CLCN3: variants seen among roughly 807,000 people sequenced by gnomAD.
CLCN3 encodes the protein Cl-/H+ antiporter 3, also known as H(+)/Cl(-) exchange transporter 3.
CLCN3 carries 16 observed loss-of-function variants against 83.4 expected under a neutral mutation model. That is an observed-to-expected ratio of 0.19 (90% CI 0.13 to 0.29). The LOEUF (loss-of-function observed/expected upper bound fraction) is 0.29, where lower values mean the gene tolerates loss of function less well. Ranked by LOEUF, CLCN3 falls within the 10% of genes least tolerant of loss-of-function variation. CLCN3 has a pLI of 1.00. For synonymous variants in CLCN3, 322 were observed against 346.2 expected, an observed-to-expected ratio of 0.93 and a Z score of 0.78; for missense variants, 544 against 1,006.0, an observed-to-expected ratio of 0.54 and a Z score of 6.21.
intron 11 of CLCN3, among the ~76,000 whole-genome samples, chr4:169,707,954 T>C (rs1406580043): frequency 6.6e-6 from 1 of 152,220 alleles, no homozygotes; most frequent in Non-Finnish European, 1.5e-5. Context: ...TACCTTATAG[T>C]CCCGCAGTAT....
chr4:169,635,489 A>G (rs1394001609), intron 1 of CLCN3, among the ~76,000 whole-genome samples: 1 of 152,098 alleles, frequency 6.6e-6, no homozygotes, highest in African/African-American at 2.4e-5. Context: ...TAATTGTAGT[A>G]TTTATTTTTA....
At position 169,709,663 on chromosome 4, in the gene CLCN3, G is replaced by A. The variant is rs55933842; in HGVS notation, c.2149+2397G>A. Among the ~76,000 whole-genome samples the A allele has an allele frequency of 4.3e-3, 635 of 148,638 alleles. 6 individuals are homozygous for A. The highest frequency in any genetic ancestry group is 0.036 in the South Asian group (168 of 4,696). The stretch of plus-strand genomic sequence containing the variant: ...CACTGCACTCCAGCCTGGGCGAAGA[G>A]CAAAACCCTGTCTCAAAAAAAAAAA... On this transcript the variant is annotated intron_variant, in intron 11 of 12. Coordinates refer to ENST00000513761, the MANE Select transcript of CLCN3 (RefSeq NM_001829.4).
chr4:169,657,368 G>A (rs940182149), intron 2 of CLCN3, among the ~76,000 whole-genome samples: 1 of 152,038 alleles, frequency 6.6e-6, no homozygotes, highest in African/African-American at 2.4e-5. Context: ...AAGAAAACAG[G>A]TCATTTGTTT....
At chr4:169,665,073 T>C (rs1173788681) in intron 2 of CLCN3, among the ~76,000 whole-genome samples, 19 of 152,240 alleles carry the variant, frequency 1.2e-4, no homozygotes, top group Admixed American at 1.0e-3. Flanking sequence ...TTATGAAATA[T>C]GAAATTTAGC....
At chr4:169,701,676 C>T (rs1732791144) in intron 9 of CLCN3, among the ~76,000 whole-genome samples, 1 of 152,026 alleles carries the variant, frequency 6.6e-6, no homozygotes, top group Non-Finnish European at 1.5e-5. Context: ...GAGACTGAGG[C>T]AAGTTTTAGA....
chr4:169,681,527 A>T (rs191404400), intron 3 of CLCN3, among the ~76,000 whole-genome samples: 1 of 152,324 alleles, frequency 6.6e-6, no homozygotes, highest in Non-Finnish European at 1.5e-5. Flanking sequence ...CCTTTAGGGC[A>T]TATCTAAAAA....
chr4:169,632,907 T>A (rs546961719), intron 1 of CLCN3, among the ~76,000 whole-genome samples: 9 of 152,018 alleles, frequency 5.9e-5, no homozygotes, highest in Non-Finnish European at 1.2e-4. Flanking sequence ...CTGGCTGCAG[T>A]GTCATCAGAT....
intron 2 of CLCN3, among the ~76,000 whole-genome samples, chr4:169,652,558 C>T (rs1730760206): frequency 6.6e-6 from 1 of 152,122 alleles, no homozygotes; most frequent in South Asian, 2.1e-4. Context: ...TCTTGAAGCT[C>T]CTAACAGGTT....
At chr4:169,712,177 A>G (rs762526984) in intron 11 of CLCN3, among the ~76,000 whole-genome samples, 21 of 152,052 alleles carry the variant, frequency 1.4e-4, no homozygotes, top group Non-Finnish European at 2.4e-4. Context: ...TATTTTCACT[A>G]TAACAAATAT....
Position 169,689,033 on chromosome 4 carries a change from G to A in CLCN3, c.419-10G>A. On this transcript the variant is annotated splice_polypyrimidine_tract_variant and intron_variant, in intron 4 of 12. Coordinates refer to ENST00000513761, the MANE Select transcript of CLCN3 (RefSeq NM_001829.4). ...TTAATTTTTTTACCATCTCCAACAT[G>A]TTTTTATAGGGGCACTGGCCGGATT... 1 of 1,601,846 alleles carries A rather than the reference G, an allele frequency of 6.2e-7. No individual in the cohort carries two copies. The highest frequency in any genetic ancestry group is 8.5e-7 in the Non-Finnish European group (1 of 1,176,468).
At chr4:169,715,273 G>A (rs1026094291) in intron 12 of CLCN3, among the ~76,000 whole-genome samples, 1 of 152,084 alleles carries the variant, frequency 6.6e-6, no homozygotes, top group Non-Finnish European at 1.5e-5. Flanking sequence ...AGAGCGAGGG[G>A]TGGATAGCTA....
intron 12 of CLCN3, among the ~76,000 whole-genome samples, chr4:169,714,286 G>T (rs1352208278): frequency 2.8e-5 from 4 of 144,524 alleles, no homozygotes; most frequent in East Asian, 4.0e-4. Context: ...GTTTTTTGTT[G>T]TTTTTTTTTT....
chr4:169,628,689 A>T (rs1773294624), intron 1 of CLCN3, among the ~76,000 whole-genome samples: 1 of 152,244 alleles, frequency 6.6e-6, no homozygotes, highest in Non-Finnish European at 1.5e-5. Flanking sequence ...TCACTCATAC[A>T]TTGTTGGTAG....
intron 3 of CLCN3, among the ~76,000 whole-genome samples, chr4:169,682,994 T>A (rs1431238349): frequency 2.0e-5 from 3 of 152,208 alleles, no homozygotes; most frequent in Non-Finnish European, 2.9e-5. Flanking sequence ...ACTTTGAAAA[T>A]CACTATTTTA....
Position 169,640,698 on chromosome 4 carries a change from C to G in CLCN3, c.160+4610C>G, listed in dbSNP as rs533085875. Among the ~76,000 whole-genome samples the G allele has an allele frequency of 2.6e-5, 4 of 152,182 alleles. No homozygotes were observed. In the South Asian group the frequency reaches 8.3e-4, roughly 32 times the overall value. On this transcript the variant is annotated intron_variant, in intron 2 of 12. Transcript: ENST00000513761. ...AAGATTTTGTTGCCAGAGTTGTATT[C>G]ATTAAAGAGAACCATATGGCTCTTG...
intron 3 of CLCN3, among the ~76,000 whole-genome samples, chr4:169,683,144 T>A (rs1296179396): frequency 6.6e-6 from 1 of 152,148 alleles, no homozygotes; most frequent in East Asian, 1.9e-4. Context: ...TAAAGTGTGG[T>A]ACCTAGAGAG....
chr4:169,636,998 A>C (rs1730226185), intron 2 of CLCN3, among the ~76,000 whole-genome samples: 1 of 152,058 alleles, frequency 6.6e-6, no homozygotes, highest in Non-Finnish European at 1.5e-5. Context: ...GCAATGTGTG[A>C]GAATACTAGT....
rs768445032 is a variant in CLCN3 at position 169,697,488 on chromosome 4, T to A, written c.1317T>A (p.Ala439=). The change falls in exon 9 of 13, where the codon GCT becomes GCA. Residue 439 remains alanine, a synonymous_variant. Transcript: ENST00000513761. ...LEVIIVAAIT[A]VIAFPNPYTR... is the part of the protein sequence containing the mutation. ...TCATTATTGTTGCAGCCATTACTGC[T>A]GTGATAGCCTTCCCTAATCCATACA... 93 of 1,614,114 alleles carry A rather than the reference T, an allele frequency of 5.8e-5. No individual in the cohort carries two copies. Among genetic ancestry groups the A allele is most frequent in the Non-Finnish European group, 7.9e-5 (93 of 1,180,062 alleles).
intron 1 of CLCN3, among the ~76,000 whole-genome samples, chr4:169,626,250 T>C (rs540349977): frequency 6.6e-6 from 1 of 152,278 alleles, no homozygotes; most frequent in African/African-American, 2.4e-5. Context: ...TAGGGGGAGA[T>C]AGGGGAAAGA....
Sources: allele counts gnomAD v4.1 joint callset (sites outside exome capture counted in the v4.1 genomes callset), GRCh38; gene constraint gnomAD v4.1.1; transcripts MANE v1.5; gene names NCBI Gene and HGNC (gene_info 2026-07-23, HGNC 2026-07-21).